The following CENPC variants were observed in gnomAD, a reference collection of about 807,000 sequenced individuals.
The protein encoded by CENPC is CENP-C 1.
In CENPC, 63 loss-of-function variants were observed where a neutral mutation model predicts 112.1. That is an observed-to-expected ratio of 0.56 (90% CI 0.46 to 0.69). The LOEUF (loss-of-function observed/expected upper bound fraction) is 0.69. CENPC is among the 30% of genes least tolerant of loss of function. The pLI is 0.00. For missense variants in CENPC, 1,000 were observed against 1,103.8 expected (o/e 0.91, Z 1.33); for synonymous variants, 333 against 367.6 (o/e 0.91, Z 1.08).
intron 17 of CENPC, among the ~76,000 whole-genome samples, chr4:67,488,271 C>T (rs1288832055): frequency 6.6e-6 from 1 of 151,996 alleles, no homozygotes; most frequent in Non-Finnish European, 1.5e-5. Context: ...GTACCTGGAA[C>T]ACATAAGTTC....
Position 67,469,642 on chromosome 4 carries a change from T to A in CENPC, c.*2963A>T, listed in dbSNP as rs1241268814. On this transcript the variant is annotated 3_prime_UTR_variant, in exon 19 of 19. Transcript: ENST00000273853. ...ACAGGCATGAGCCACCATGCCCGGG[T>A]AGAAGTCTCTTTCTTTAAGACCCTT... 1.3e-5 allele frequency: 2 copies of A among 152,266 alleles called. No homozygotes were observed. Among genetic ancestry groups the A allele is most frequent in the Non-Finnish European group, 2.9e-5 (2 of 68,094 alleles). The allele number at this position is 152,266 out of a possible 1,614,324, so 9.4% of individuals were successfully genotyped here.
chr4:67,493,737 T>C, intron 14 of CENPC, 147 bp downstream of exon 14: 1 of 570,858 alleles, frequency 1.8e-6, no homozygotes, highest in Non-Finnish European at 3.1e-6. Context: ...TCTACATTAA[T>C]CAGACAAAAA....
chr4:67,489,000 G>C (rs1234379390), intron 17 of CENPC, among the ~76,000 whole-genome samples: 1 of 151,678 alleles, frequency 6.6e-6, no homozygotes, highest in Non-Finnish European at 1.5e-5. Context: ...GAATCATTCT[G>C]ACTGTGATAC....
intron 9 of CENPC, chr4:67,511,109 T>C (rs1459350226): frequency 8.8e-6 from 4 of 454,686 alleles, no homozygotes; most frequent in Non-Finnish European, 8.8e-6. Context: ...ACTATGCTAA[T>C]TGCATTTAAA....
At chr4:67,505,340 G>A (rs1319669690) in intron 11 of CENPC, 56 bp from the exon 12 acceptor site, 5 of 1,020,608 alleles carry the variant, frequency 4.9e-6, no homozygotes, top group Non-Finnish European at 7.2e-6. Flanking sequence ...TATATCTAAT[G>A]TATTTGCCTT....
Position 67,477,264 on chromosome 4 carries a change from A to T in CENPC, c.2671-2286T>A, listed in dbSNP as rs115615960. On this transcript the variant is annotated intron_variant, in intron 17 of 18. Transcript: ENST00000273853. ...AATATTAAAGAAAACCAGCACACTA[A>T]ACAAAACTACAACCAAAGACCGTCA... Among the ~76,000 whole-genome samples the T allele has an allele frequency of 5.5e-3, 838 of 152,238 alleles. 5 individuals are homozygous for T. The highest frequency in any genetic ancestry group is 0.019 in the African/African-American group (775 of 41,544).
chr4:67,529,516 G>A (rs1726483146), intron 5 of CENPC, among the ~76,000 whole-genome samples: 1 of 151,938 alleles, frequency 6.6e-6, no homozygotes, highest in Admixed American at 6.6e-5. Flanking sequence ...AGTAGAGATG[G>A]AGTTTTACCA....
chr4:67,513,895 T>C lies in CENPC; in HGVS notation c.1444+179A>G, dbSNP rs559423944. 2.5e-3 allele frequency among the ~76,000 whole-genome samples: 381 copies of C among 152,202 alleles called. 1 individual carries two copies. The highest frequency in any genetic ancestry group is 6.8e-3 in the Middle Eastern group (2 of 294). ...CATCTCACAAGATAAACAAAAACTA[T>C]ATGAGTTAGAATTAAATTATATATA... On this transcript the variant is annotated intron_variant, in intron 8 of 18. Coordinates refer to ENST00000273853, the MANE Select transcript of CENPC (RefSeq NM_001812.4).
At chr4:67,518,042 A>C (rs1726109054) in intron 7 of CENPC, 114 bp downstream of exon 7, 1 of 602,520 alleles carries the variant, frequency 1.7e-6, no homozygotes, top group African/African-American at 1.9e-5. Flanking sequence ...TTCAATTAAA[A>C]TTTTTGTTAA....
intron 4 of CENPC, among the ~76,000 whole-genome samples, chr4:67,537,055 T>C (rs1248951109): frequency 7.5e-6 from 1 of 133,416 alleles, no homozygotes; most frequent in African/African-American, 2.8e-5. Context: ...AGATAAGGCA[T>C]AAATAACCAA....
chr4:67,505,149 T>C, intron 12 of CENPC, 56 bp downstream of exon 12: 8 of 1,225,338 alleles, frequency 6.5e-6, no homozygotes, highest in Non-Finnish European at 9.3e-6. Context: ...ATAGCACTCC[T>C]TACTCCATAT....
In CENPC at chr4:67,492,361, G is replaced by A. The variant is rs992062993; in HGVS notation, c.2420-86C>T. The A allele has an allele frequency of 5.3e-6, 4 of 748,616 alleles. No individual in the cohort carries two copies. In the African/African-American group the frequency reaches 7.2e-5, roughly 13 times the overall value. 46.4% of individuals were successfully genotyped at this position (748,616 alleles called of 1,614,324 possible). On this transcript the variant is annotated intron_variant, in intron 15 of 18. Transcript: ENST00000273853. ...AAGTTCAGTACAAAATATAGCTATA[G>A]AGAAGTTATAAAACTGTCAAACGCA...
In CENPC at chr4:67,514,192, T is replaced by C. The variant is rs1454998601; in HGVS notation, c.1326A>G (p.Glu442=). 3 of 1,613,022 alleles carry C rather than the reference T, an allele frequency of 1.9e-6. No individual in the cohort carries two copies. The highest frequency in any genetic ancestry group is 3.3e-5 in the Admixed American group (2 of 59,906). Residue 442 remains glutamate, a synonymous_variant, in exon 8 of 19, where the codon GAA becomes GAG. Coordinates refer to ENST00000273853, the MANE Select transcript of CENPC (RefSeq NM_001812.4). The part of the protein sequence containing the change: ...EQLDVGQSKD[E]NIHTSHITQD... ...GGGTAATATGTGATGTATGTATGTT[T>C]TCATCTTTAGACTGTCCCACATCAA...
rs1724637422 is a variant in CENPC at position 67,470,710 on chromosome 4, C to T, written c.*1895G>A. The T allele has an allele frequency of 6.6e-6, 1 of 152,148 alleles. No homozygotes were observed. Among genetic ancestry groups the T allele is most frequent in the Non-Finnish European group, 1.5e-5 (1 of 68,064 alleles). The allele number at this position is 152,148 out of a possible 1,614,324, so 9.4% of individuals were successfully genotyped here. ...CCCCTAGGTTGATTGGTAAAAACTA[C>T]AGTTTTGTCTGGCTGTAGCTAACTG... On this transcript the variant is annotated 3_prime_UTR_variant, in exon 19 of 19. Transcript: ENST00000273853.
At chr4:67,500,087 A>C (rs971790783) in intron 12 of CENPC, among the ~76,000 whole-genome samples, 1 of 152,124 alleles carries the variant, frequency 6.6e-6, no homozygotes, top group African/African-American at 2.4e-5. Context: ...TCACCATAAA[A>C]GACATAGTAA....
At chr4:67,503,031 C>A (rs1346963255) in intron 12 of CENPC, among the ~76,000 whole-genome samples, 2 of 152,112 alleles carry the variant, frequency 1.3e-5, no homozygotes, top group African/African-American at 2.4e-5. Flanking sequence ...TCAGTCAACT[C>A]CTAACACAGG....
intron 13 of CENPC, among the ~76,000 whole-genome samples, chr4:67,494,225 T>C (rs1415031603): frequency 3.9e-5 from 6 of 152,190 alleles, no homozygotes; most frequent in Non-Finnish European, 8.8e-5. Flanking sequence ...GTTGACAATG[T>C]TAAATGTACA....
chr4:67,509,047 GCTA>G lies in CENPC; in HGVS notation c.1668_1670del (p.Ser557del). ...GATTTGTTTTCTTAGTAGATTTTCG[GCTA>G]CTATTGTGATGCATTGGTAATTCAT... On this transcript the variant is annotated inframe_deletion, in exon 10 of 19. Transcript: ENST00000273853. 1 of 1,611,512 alleles carries G rather than the reference GCTA, an allele frequency of 6.2e-7. No homozygotes were observed. The highest frequency in any genetic ancestry group is 8.5e-7 in the Non-Finnish European group (1 of 1,179,058).
Position 67,518,317 on chromosome 4 carries a change from TTTA to T in CENPC, c.666_668del (p.Asn222del). ...ATGTTTTATCCTCTTCATCTGATAC[TTTA>T]TTATCTATTTCTATTTTCTTTAACA... On this transcript the variant is annotated inframe_deletion, in exon 7 of 19. Coordinates refer to ENST00000273853, the MANE Select transcript of CENPC (RefSeq NM_001812.4). 6.5e-7 allele frequency: 1 copy of T among 1,542,718 alleles called. No individual in the cohort carries two copies. The highest frequency in any genetic ancestry group is 8.7e-7 in the Non-Finnish European group (1 of 1,146,024).
Sources: gnomAD v4.1 joint callset for allele counts (sites outside exome capture counted in the v4.1 genomes callset) on GRCh38, gnomAD v4.1.1 for gene constraint, MANE v1.5 for transcripts, NCBI Gene and HGNC (gene_info 2026-07-23, HGNC 2026-07-21) for gene names.